The following KDM6A variants were observed in gnomAD, a reference collection of about 807,000 sequenced individuals.
The protein encoded by KDM6A is lysine demethylase 6A, also known as lysine-specific demethylase 6A.
KDM6A carries 11 observed loss-of-function variants against 117.6 expected under a neutral mutation model. That is an observed-to-expected ratio of 0.09 (90% CI 0.06 to 0.15). The LOEUF is 0.15. Ranked by LOEUF, KDM6A falls within the 10% of genes least tolerant of loss-of-function variation. The probability of loss-of-function intolerance (pLI) is 1.00; values close to 1 mark genes in which losing one functional copy is unlikely to be tolerated. For missense variants in KDM6A, 799 were observed against 1,077.3 expected (o/e 0.74, Z 3.62); for synonymous variants, 384 against 396.1 (o/e 0.97, Z 0.36).
chrX:44,958,447 G>C (rs1412393145), intron 2 of KDM6A, among the ~76,000 whole-genome samples: 1 of 109,981 alleles, frequency 9.1e-6, no homozygotes, highest in Admixed American at 9.8e-5. Context: ...CTCCCAAAGT[G>C]CTGGGATTAC....
chrX:45,003,795 CTT>C (rs1191125546), intron 4 of KDM6A, among the ~76,000 whole-genome samples: 3 of 107,441 alleles, frequency 2.8e-5, no homozygotes, highest in African/African-American at 1.0e-4. Context: ...TTGACTCCCT[CTT>C]TGTCTCTCTG....
chrX:45,079,394 T>G, intron 21 of KDM6A, 43 bp downstream of exon 21: 1 of 1,002,862 alleles, frequency 1.0e-6, no homozygotes, highest in Non-Finnish European at 1.4e-6. Context: ...ATTTTAAAGA[T>G]GATTTTACTT....
intron 4 of KDM6A, among the ~76,000 whole-genome samples, chrX:45,000,044 G>A (rs1281481489): frequency 8.9e-6 from 1 of 111,837 alleles, no homozygotes; most frequent in Non-Finnish European, 1.9e-5. Context: ...AGTGGTGGTG[G>A]TGTTTGGGAT....
chrX:45,062,633 T>C lies in KDM6A; in HGVS notation c.1582-14T>C. On this transcript the variant is annotated splice_polypyrimidine_tract_variant and intron_variant, in intron 15 of 29. Transcript: ENST00000611820. The stretch of plus-strand genomic sequence containing the variant: ...TATATCTTTGACTATATTCTCTTTT[T>C]GTTCTTCTTCTAGCATTTGGAACAG... 1 of 1,133,798 alleles carries C rather than the reference T, an allele frequency of 8.8e-7. No homozygotes were observed. The highest frequency in any genetic ancestry group is 1.2e-6 in the Non-Finnish European group (1 of 824,869). 93.4% of individuals were successfully genotyped at this position (1,133,798 alleles called of 1,213,427 possible). A position where few individuals can be genotyped will look rare whatever the true frequency, so the allele number is the denominator to read the frequency against.
chrX:44,929,243 CT>C (rs72030337), intron 2 of KDM6A, among the ~76,000 whole-genome samples: 3,785 of 82,748 alleles, frequency 0.046, 180 homozygotes, highest in African/African-American at 0.15. Context: ...GTCTAAGGGA[CT>C]TTTTTTTTTT....
At chrX:44,914,451 C>A (rs1344861402) in intron 2 of KDM6A, among the ~76,000 whole-genome samples, 1 of 111,578 alleles carries the variant, frequency 9.0e-6, no homozygotes, top group Admixed American at 9.5e-5. Flanking sequence ...TATGTTAATG[C>A]AGAAGTTTTT....
At position 45,060,640 on chromosome X, in the gene KDM6A, C is replaced by T. The variant is rs996880788; in HGVS notation, c.1361C>T (p.Pro454Leu). ...ACKPHHPNTEPVLGLSQTPIS... is the reference protein window; with the variant it reads ...ACKPHHPNTELVLGLSQTPIS... ...AAACCTCATCATCCAAATACTGAAC[C>T]TGTATTAGGCCTCAGTCAAACACCA... The change falls in exon 14 of 30, where the codon CCT (proline) becomes CTT (leucine). Residue 454 changes from proline (P) to leucine (L), a missense_variant. Pro to Leu is a moderately conservative substitution (Grantham distance 98). Transcript: ENST00000611820. 7 of 1,067,870 alleles carry T rather than the reference C, an allele frequency of 6.6e-6. No homozygotes were observed. Among genetic ancestry groups the T allele is most frequent in the Non-Finnish European group, 6.2e-6 (5 of 809,940 alleles). 88.0% of individuals were successfully genotyped at this position (1,067,870 alleles called of 1,213,427 possible). A position where few individuals can be genotyped will look rare whatever the true frequency, so the allele number is the denominator to read the frequency against.
At chrX:44,975,941 G>T (rs1165574458) in intron 4 of KDM6A, among the ~76,000 whole-genome samples, 1 of 112,385 alleles carries the variant, frequency 8.9e-6, no homozygotes, top group African/African-American at 3.2e-5. Flanking sequence ...GAGGATCCTG[G>T]CCTCTTCAAC....
At chrX:45,089,671 C>T (rs2148190478) in intron 25 of KDM6A, 72 bp from the exon 26 acceptor site, 4 of 761,379 alleles carry the variant, frequency 5.3e-6, no homozygotes, top group Non-Finnish European at 7.9e-6. Context: ...AAATTTGTGA[C>T]ATTTTCTTCC....
chrX:44,925,299 A>T (rs1251899776), intron 2 of KDM6A, among the ~76,000 whole-genome samples: 2 of 110,617 alleles, frequency 1.8e-5, no homozygotes, highest in Admixed American at 9.7e-5. Flanking sequence ...GCATTCCCCT[A>T]CCTTTGCCTT....
At chrX:45,038,271 A>G (rs926470237) in intron 8 of KDM6A, among the ~76,000 whole-genome samples, 1 of 111,613 alleles carries the variant, frequency 9.0e-6, no homozygotes, top group Non-Finnish European at 1.9e-5. Flanking sequence ...TGCAAGCTCA[A>G]ATGGCTATAT....
chrX:45,055,158 T>A (rs2147934878), intron 10 of KDM6A, among the ~76,000 whole-genome samples: 1 of 111,717 alleles, frequency 9.0e-6, no homozygotes, highest in African/African-American at 3.2e-5. Context: ...TATTATTGTT[T>A]ACATAGAATA....
At chrX:44,981,444 T>C (rs1363115448) in intron 4 of KDM6A, among the ~76,000 whole-genome samples, 1 of 111,824 alleles carries the variant, frequency 8.9e-6, no homozygotes, top group African/African-American at 3.2e-5. Context: ...CTCCATGCCC[T>C]CTCTGGGCAT....
intron 5 of KDM6A, among the ~76,000 whole-genome samples, chrX:45,018,539 G>T (rs1193789038): frequency 9.0e-6 from 1 of 111,368 alleles, no homozygotes; most frequent in Non-Finnish European, 1.9e-5. Context: ...TGTGCTAAAG[G>T]CACCCATGGA....
chrX:44,899,184 CTG>C (rs1251589679), intron 2 of KDM6A, among the ~76,000 whole-genome samples: 2 of 84,479 alleles, frequency 2.4e-5, no homozygotes, highest in African/African-American at 4.9e-5. Context: ...TCCACTGAAA[CTG>C]TGGAGGGAGG....
chrX:44,973,301 T>A (rs1007814677), intron 3 of KDM6A, among the ~76,000 whole-genome samples: 4 of 111,439 alleles, frequency 3.6e-5, no homozygotes, highest in Non-Finnish European at 7.5e-5. Flanking sequence ...ACCCTTTTTC[T>A]TCATCTTGGG....
chrX:44,875,253 A>AT (rs1318489596), intron 2 of KDM6A, among the ~76,000 whole-genome samples: 1 of 111,893 alleles, frequency 8.9e-6, no homozygotes, highest in Non-Finnish European at 1.9e-5. Flanking sequence ...TCTTAAGTTG[A>AT]TTTTTTTGTT....
chrX:45,080,134 A>G (rs2045336082), intron 21 of KDM6A, among the ~76,000 whole-genome samples: 1 of 110,974 alleles, frequency 9.0e-6, no homozygotes, highest in Non-Finnish European at 1.9e-5. Flanking sequence ...GTTGAGAACT[A>G]CTGATTTAGA....
chrX:44,892,192 T>G (rs1408784592), intron 2 of KDM6A, among the ~76,000 whole-genome samples: 1 of 112,541 alleles, frequency 8.9e-6, no homozygotes, highest in Non-Finnish European at 1.9e-5. Flanking sequence ...CAAGGTTGAT[T>G]TAGCTATTCT....
Sources: allele counts gnomAD v4.1 joint callset (sites outside exome capture counted in the v4.1 genomes callset), GRCh38; gene constraint gnomAD v4.1.1; transcripts MANE v1.5; gene names NCBI Gene and HGNC (gene_info 2026-07-23, HGNC 2026-07-21).